Variants in GNAL observed in about 807,000 individuals in gnomAD.
GNAL encodes the protein G protein subunit alpha L, also known as guanine nucleotide-binding protein G(olf) subunit alpha.
Under a neutral mutation model 55.1 loss-of-function variants are expected in GNAL, and 18 were observed. The observed-to-expected ratio is 0.33, with a 90% CI of 0.23 to 0.48. The LOEUF (loss-of-function observed/expected upper bound fraction) is 0.48. Among genes scored for constraint, GNAL ranks in the 20% least tolerant of loss-of-function variants. GNAL has a pLI of 0.99. For synonymous variants in GNAL, 253 were observed against 237.0 expected (o/e 1.07, Z -0.62); for missense variants, 412 against 614.1 (o/e 0.67, Z 3.48).
chr18:11,867,107 G>C (rs2036280526), intron 7 of GNAL, 61 bp from the exon 8 acceptor site: 1 of 1,281,372 alleles, frequency 7.8e-7, no homozygotes, highest in Non-Finnish European at 1.1e-6. Flanking sequence ...AGGAAAGCAA[G>C]CACGTTTGCC....
chr18:11,806,500 A>G (rs1235479794), intron 4 of GNAL, among the ~76,000 whole-genome samples: 1 of 152,218 alleles, frequency 6.6e-6, no homozygotes, highest in East Asian at 1.9e-4. Context: ...CCTGTAATCC[A>G]TCTTCAGTCG....
rs1053733517 is a variant in GNAL, at chr18:11,751,534, C to T, written c.377-1319C>T. 1.6e-4 allele frequency: 162 copies of T among 985,426 alleles called. No individual in the cohort carries two copies. The highest frequency in any genetic ancestry group is 1.8e-4 in the Non-Finnish European group (150 of 830,010). The allele number at this position is 985,426 out of a possible 1,614,324, so 61.0% of individuals were successfully genotyped here. On this transcript the variant is annotated intron_variant, in intron 1 of 11. Coordinates refer to ENST00000334049, the MANE Select transcript of GNAL (RefSeq NM_182978.4). The surrounding 1 kb of genome is among the most constrained non-coding windows in gnomAD (Gnocchi z 4.5). Reference sequence around the variant, plus strand: ...GTGAGCCTCGGAGGGATCCTCCTCCCTGCTAGAATATGCATGATCCTCCGC... The same window carrying T: ...GTGAGCCTCGGAGGGATCCTCCTCCTTGCTAGAATATGCATGATCCTCCGC...
At chr18:11,758,895 G>A (rs376613158) in intron 4 of GNAL, among the ~76,000 whole-genome samples, 2 of 152,170 alleles carry the variant, frequency 1.3e-5, no homozygotes, top group Non-Finnish European at 2.9e-5. Flanking sequence ...AAAATAGGCC[G>A]GGCATGGTGG....
chr18:11,720,276 A>G (rs1223331218), intron 1 of GNAL, among the ~76,000 whole-genome samples: 1 of 152,232 alleles, frequency 6.6e-6, no homozygotes, highest in African/African-American at 2.4e-5. Flanking sequence ...ATTTCCACCA[A>G]ATTTTTATTA....
At chr18:11,874,942 A>G (rs2036496346) in intron 10 of GNAL, among the ~76,000 whole-genome samples, 3 of 151,344 alleles carry the variant, frequency 2.0e-5, no homozygotes, top group Admixed American at 1.3e-4. Context: ...CACACCCTGC[A>G]ACAGAGAAGG....
In GNAL at chr18:11,733,874, A is replaced by G. The variant is rs1201090497; in HGVS notation, c.377-18979A>G. On this transcript the variant is annotated intron_variant, in intron 1 of 11. Transcript: ENST00000334049. The stretch of plus-strand genomic sequence containing the variant: ...TTGTATCCCCTATGTCTATCACTGA[A>G]AAAAAAAAAAAAAAAAAGTCCAAGC... Among the ~76,000 whole-genome samples, 338 of 120,060 alleles carry G rather than the reference A, an allele frequency of 2.8e-3. 1 individual carries two copies. The highest frequency in any genetic ancestry group is 0.013 in the African/African-American group (314 of 23,406). The allele number at this position is 120,060 out of a possible 152,430, so 78.8% of individuals were successfully genotyped here.
intron 1 of GNAL, among the ~76,000 whole-genome samples, chr18:11,731,510 G>A (rs952058746): frequency 6.6e-6 from 1 of 152,240 alleles, no homozygotes; most frequent in Admixed American, 6.5e-5. Flanking sequence ...CATTCAGTCA[G>A]TGGGGGGCCT....
rs980114917 is a variant in GNAL, at chr18:11,880,785, C to T, written c.1231-204C>T. ...TCTGACCTATCCGTGCTGCTTCAGCCTCCTGGGGGCAATGATAAGGGTGAG... is the reference window on the plus strand; with the variant it reads ...TCTGACCTATCCGTGCTGCTTCAGCTTCCTGGGGGCAATGATAAGGGTGAG... On this transcript the variant is annotated intron_variant, in intron 11 of 11. Coordinates refer to ENST00000334049, the MANE Select transcript of GNAL (RefSeq NM_182978.4). Among the ~76,000 whole-genome samples the T allele has an allele frequency of 2.5e-4, 38 of 152,110 alleles. 1 individual carries two copies. Among genetic ancestry groups the T allele is most frequent in the Admixed American group, 2.5e-3 (38 of 15,268 alleles).
Position 11,883,922 on chromosome 18 carries a change from C to T in GNAL, c.*2787C>T, listed in dbSNP as rs892354712. ...GCCAGGCTGGTCTTGAACTCCTGAC[C>T]TCAAGTGATCCACCCGCCTCAGCCT... is the stretch of plus-strand genomic sequence containing the variant. On this transcript the variant is annotated 3_prime_UTR_variant, in exon 12 of 12. Transcript: ENST00000334049. 2 of 152,484 alleles carry T rather than the reference C, an allele frequency of 1.3e-5. No individual in the cohort carries two copies. Among genetic ancestry groups the T allele is most frequent in the Non-Finnish European group, 2.9e-5 (2 of 68,308 alleles). 9.4% of individuals were successfully genotyped at this position (152,484 alleles called of 1,614,324 possible). A position where few individuals can be genotyped will look rare whatever the true frequency, so the allele number is the denominator to read the frequency against.
chr18:11,775,596 G>C (rs2033760535), intron 4 of GNAL, among the ~76,000 whole-genome samples: 1 of 152,222 alleles, frequency 6.6e-6, no homozygotes, highest in Admixed American at 6.5e-5. Context: ...TGTCAGATTA[G>C]AAATGAAGAG....
chr18:11,752,347 C>A lies in GNAL; in HGVS notation c.377-506C>A. ...CTTTCAGCAGCAGGAAAGAGAGGAGCCGTCGCAGGAGCCGCACACGTCTCC... is the reference window on the plus strand; with the variant it reads ...CTTTCAGCAGCAGGAAAGAGAGGAGACGTCGCAGGAGCCGCACACGTCTCC... On this transcript the variant is annotated intron_variant, in intron 1 of 11. Transcript: ENST00000334049. This position sits in a 1 kb window ranked among gnomAD's most constrained non-coding sequence, Gnocchi z 4.5. The A allele has an allele frequency of 6.7e-7, 1 of 1,496,264 alleles. No individual in the cohort carries two copies. Among genetic ancestry groups the A allele is most frequent in the Admixed American group, 2.4e-5 (1 of 41,524 alleles). 92.7% of individuals were successfully genotyped at this position (1,496,264 alleles called of 1,614,324 possible). A position where few individuals can be genotyped will look rare whatever the true frequency, so the allele number is the denominator to read the frequency against.
At chr18:11,875,860 A>G (rs1340733092) in intron 10 of GNAL, among the ~76,000 whole-genome samples, 1 of 152,220 alleles carries the variant, frequency 6.6e-6, no homozygotes, top group Non-Finnish European at 1.5e-5. Context: ...CTGAAATGTC[A>G]AAGATTAAGA....
chr18:11,847,086 A>C (rs1269041153), intron 5 of GNAL, among the ~76,000 whole-genome samples: 1 of 151,818 alleles, frequency 6.6e-6, no homozygotes, highest in Admixed American at 6.6e-5. Flanking sequence ...CACCAAGTGA[A>C]TATGTATCCA....
chr18:11,778,184 C>G (rs1050234562), intron 4 of GNAL, among the ~76,000 whole-genome samples: 2 of 152,160 alleles, frequency 1.3e-5, no homozygotes, highest in African/African-American at 4.8e-5. Context: ...GTTCGATTTC[C>G]TGCCTTAAGA....
chr18:11,849,863 T>C (rs73944921), intron 5 of GNAL, among the ~76,000 whole-genome samples: 2,090 of 152,324 alleles, frequency 0.014, 55 homozygotes, highest in African/African-American at 0.048. Flanking sequence ...GTGGCTGCTG[T>C]GTGCAGAGCG....
At chr18:11,719,703 G>C (rs1304250443) in intron 1 of GNAL, among the ~76,000 whole-genome samples, 6 of 152,206 alleles carry the variant, frequency 3.9e-5, no homozygotes, top group African/African-American at 7.2e-5. Context: ...AGTGGCTGAT[G>C]CCTCACCCTG....
At chr18:11,790,688 G>C (rs2034210279) in intron 4 of GNAL, among the ~76,000 whole-genome samples, 1 of 103,136 alleles carries the variant, frequency 9.7e-6, no homozygotes, top group Non-Finnish European at 1.8e-5. Context: ...AGACAGTCTT[G>C]CTCTGTTGCC....
At chr18:11,772,708 TC>T (rs2033670820) in intron 4 of GNAL, among the ~76,000 whole-genome samples, 1 of 152,194 alleles carries the variant, frequency 6.6e-6, no homozygotes. Flanking sequence ...GTCTCCCGAT[TC>T]CTCATCCAGT....
intron 5 of GNAL, chr18:11,857,335 T>G (rs1382472188): frequency 4.5e-6 from 1 of 222,774 alleles, no homozygotes; most frequent in Non-Finnish European, 7.6e-6. Flanking sequence ...CCAGCAGGGT[T>G]TAATCTCAGG....
Sources: gnomAD v4.1 joint callset for allele counts (sites outside exome capture counted in the v4.1 genomes callset) on GRCh38, gnomAD v4.1.1 for gene constraint, Gnocchi (gnomAD v3.1) non-coding constraint, MANE v1.5 for transcripts, NCBI Gene and HGNC (gene_info 2026-07-23, HGNC 2026-07-21) for gene names.